The following SIRPA variants were observed in gnomAD, a reference collection of about 807,000 sequenced individuals.
SIRPA encodes the protein signal regulatory protein alpha, also known as tyrosine-protein phosphatase non-receptor type substrate 1.
In SIRPA, 9 loss-of-function variants were observed where a neutral mutation model predicts 50.3. The ratio of observed to expected loss-of-function variants is 0.18; its 90% CI spans 0.11 to 0.31. The LOEUF (loss-of-function observed/expected upper bound fraction) is 0.31, where lower values mean the gene tolerates loss of function less well. SIRPA is among the 10% of genes least tolerant of loss of function. The pLI, the probability that SIRPA is intolerant of heterozygous loss-of-function variation, is 1.00. For missense variants in SIRPA, 474 were observed against 661.6 expected, an observed-to-expected ratio of 0.72 and a Z score of 3.11; for synonymous variants, 265 against 284.1, an observed-to-expected ratio of 0.93 and a Z score of 0.68.
intron 5 of SIRPA, among the ~76,000 whole-genome samples, chr20:1,925,360 C>T (rs779507857): frequency 3.3e-5 from 5 of 152,202 alleles, no homozygotes; most frequent in Non-Finnish European, 2.9e-5. Flanking sequence ...AGGGAAGTAA[C>T]CTGGCACACA....
At chr20:1,900,103 CTT>C (rs11481009) in intron 1 of SIRPA, among the ~76,000 whole-genome samples, 5 of 127,170 alleles carry the variant, frequency 3.9e-5, no homozygotes, top group Non-Finnish European at 3.3e-5. Flanking sequence ...TTTTTTTTTT[CTT>C]TTTTTTTTTT....
At chr20:1,925,302 C>T (rs1046377950) in intron 5 of SIRPA, among the ~76,000 whole-genome samples, 1 of 152,186 alleles carries the variant, frequency 6.6e-6, no homozygotes, top group Non-Finnish European at 1.5e-5. Context: ...GATAATAGCG[C>T]CACCATTTGA....
At chr20:1,895,152 T>G (rs572922815), upstream of SIRPA, 276 of 278,464 alleles carry the variant, frequency 9.9e-4, no homozygotes, top group African/African-American at 5.8e-3. Flanking sequence ...CCTGGCTCCC[T>G]TGGGTCTGTT....
At position 1,937,183 on chromosome 20, in the gene SIRPA, G is replaced by A. The variant is rs1986625125; in HGVS notation, c.1267-137G>A. ...AAGTAACGTTGGCAAGAGATGAGGG[G>A]AACATGACTTATGGCTGAGCCAGTG... is the stretch of plus-strand genomic sequence containing the variant. On this transcript the variant is annotated intron_variant, in intron 7 of 7. Transcript: ENST00000358771. This position sits in a 1 kb window ranked among gnomAD's most constrained non-coding sequence, Gnocchi z 8.3. 1.9e-6 allele frequency: 2 copies of A among 1,040,674 alleles called. No individual in the cohort carries two copies. The highest frequency in any genetic ancestry group is 2.8e-6 in the Non-Finnish European group (2 of 715,912). 64.5% of individuals were successfully genotyped at this position (1,040,674 alleles called of 1,614,324 possible).
Position 1,930,184 on chromosome 20 carries a change from ACCT to A in SIRPA, c.1226+2289_1226+2291del, listed in dbSNP as rs879632426. Among the ~76,000 whole-genome samples the A allele has an allele frequency of 2.0e-3, 300 of 152,058 alleles. 2 individuals carry two copies. The highest frequency in any genetic ancestry group is 7.0e-3 in the African/African-American group (290 of 41,484). ...GTGGGACCCCTCCTGTCACCTGCTCACCTCCTGCTTCTCCTGAGATCAGCAAGG... is the reference window on the plus strand; with the variant it reads ...GTGGGACCCCTCCTGTCACCTGCTCACCTGCTTCTCCTGAGATCAGCAAGG... On this transcript the variant is annotated intron_variant, in intron 6 of 7. Coordinates refer to ENST00000358771, the MANE Select transcript of SIRPA (RefSeq NM_001040023.2).
Position 1,909,467 on chromosome 20 carries a change from A to AT in SIRPA, c.80-5623dup, listed in dbSNP as rs200830648. On this transcript the variant is annotated intron_variant, in intron 1 of 7. Coordinates refer to ENST00000358771, the MANE Select transcript of SIRPA (RefSeq NM_001040023.2). ...CGCCTCAAGCTTCAGTTCTAAGTTG[A>AT]TTTTTTTTTCTATTAGAAAAAACAT... 9.6e-3 allele frequency among the ~76,000 whole-genome samples: 1,462 copies of AT among 151,780 alleles called. 23 individuals are homozygous for AT. Among genetic ancestry groups the AT allele is most frequent in the African/African-American group, 0.033 (1,353 of 41,390 alleles).
chr20:1,902,951 G>T (rs1361460043), intron 1 of SIRPA, among the ~76,000 whole-genome samples: 2 of 147,690 alleles, frequency 1.4e-5, no homozygotes, highest in Non-Finnish European at 3.0e-5. Flanking sequence ...GGCAGAGGTT[G>T]CAGTGAGCCG....
chr20:1,928,137 G>A lies in SIRPA; in HGVS notation c.1226+238G>A, dbSNP rs143485326. 2.0e-3 allele frequency among the ~76,000 whole-genome samples: 303 copies of A among 152,256 alleles called. 3 individuals carry two copies. Among genetic ancestry groups the A allele is most frequent in the Admixed American group, 4.8e-3 (74 of 15,294 alleles). Reference sequence around the variant, plus strand: ...TTCTTGCCTGCTCTTCCCAGACAACGAGACCCTTGTCTAATCCCATGTGGA... The same window carrying A: ...TTCTTGCCTGCTCTTCCCAGACAACAAGACCCTTGTCTAATCCCATGTGGA... On this transcript the variant is annotated intron_variant, in intron 6 of 7. Transcript: ENST00000358771. This position sits in a 1 kb window ranked among gnomAD's most constrained non-coding sequence, Gnocchi z 4.9.
At chr20:1,923,489 G>C (rs969808357) in intron 4 of SIRPA, among the ~76,000 whole-genome samples, 6 of 152,386 alleles carry the variant, frequency 3.9e-5, no homozygotes, top group Admixed American at 3.9e-4. Context: ...GTGGCCCTTT[G>C]GTTTCACCAA....
rs768679190 is a variant in SIRPA, at chr20:1,898,980, G to A, written c.79+3454G>A. ...TGCGACAGATGGAGAGGGGGTGTGC[G>A]AGAGGAAGGGAGTCTAAAAGTGTTG... is the stretch of plus-strand genomic sequence containing the variant. On this transcript the variant is annotated intron_variant, in intron 1 of 7. Coordinates refer to ENST00000358771, the MANE Select transcript of SIRPA (RefSeq NM_001040023.2). The surrounding 1 kb of genome is among the most constrained non-coding windows in gnomAD (Gnocchi z 4.3). Among the ~76,000 whole-genome samples the A allele has an allele frequency of 6.6e-6, 1 of 151,982 alleles. No homozygotes were observed. Among genetic ancestry groups the A allele is most frequent in the Admixed American group, 6.6e-5 (1 of 15,266 alleles).
rs925387711 is a variant in SIRPA, at chr20:1,924,912, G to T, written c.1201+35G>T. 6.5e-7 allele frequency: 1 copy of T among 1,549,422 alleles called. No individual in the cohort carries two copies. The highest frequency in any genetic ancestry group is 8.9e-7 in the Non-Finnish European group (1 of 1,121,426). ...TTCCCCTCTTCCTCCCTAAGGGTTT[G>T]TCCCTGGACTGTCCTCGGAGGGAGA... On this transcript the variant is annotated intron_variant, in intron 5 of 7. Transcript: ENST00000358771. The surrounding 1 kb of genome is among the most constrained non-coding windows in gnomAD (Gnocchi z 4.5).
At position 1,922,425 on chromosome 20, in the gene SIRPA, G is replaced by T; in HGVS notation, c.867G>T (p.Glu289Asp). 6.2e-7 allele frequency: 1 copy of T among 1,614,268 alleles called. No individual in the cohort carries two copies. Residue 289 changes from glutamate to aspartate, a missense_variant, in exon 4 of 8, where the codon GAG becomes GAT. Coordinates refer to ENST00000358771, the MANE Select transcript of SIRPA (RefSeq NM_001040023.2). ...YPQRLQLTWL[E>D]NGNVSRTETA... ...AGAGACTACAGCTGACCTGGTTGGA[G>T]AATGGAAACGTGTCCCGGACAGAAA...
At chr20:1,917,376 G>C (rs1985367083) in intron 2 of SIRPA, among the ~76,000 whole-genome samples, 1 of 152,148 alleles carries the variant, frequency 6.6e-6, no homozygotes. Flanking sequence ...GCTTGTCAAA[G>C]TGTGGAGAAA....
intron 1 of SIRPA, among the ~76,000 whole-genome samples, chr20:1,909,507 C>T (rs1008330269): frequency 3.3e-5 from 5 of 152,312 alleles, no homozygotes; most frequent in Middle Eastern, 6.8e-3. Context: ...GTGGGCAGGG[C>T]GCAGTGGCTC....
At chr20:1,935,016 G>A (rs536605134) in intron 7 of SIRPA, among the ~76,000 whole-genome samples, 1 of 152,264 alleles carries the variant, frequency 6.6e-6, no homozygotes, top group East Asian at 1.9e-4. Context: ...CTATGAAAAT[G>A]GTGCCCTGGA....
rs111544259 is a variant in SIRPA, at chr20:1,933,508, G to A, written c.1227-1207G>A. ...GACCACGTGGGACTCTGAGCAGGGC[G>A]ATGAGTTGGACTTGAACCAGCCAGC... is the stretch of plus-strand genomic sequence containing the variant. On this transcript the variant is annotated intron_variant, in intron 6 of 7. Transcript: ENST00000358771. The surrounding 1 kb of genome is among the most constrained non-coding windows in gnomAD (Gnocchi z 4.4). Among the ~76,000 whole-genome samples, 6,458 of 152,204 alleles carry A rather than the reference G, an allele frequency of 0.042. 181 individuals carry two copies. Among genetic ancestry groups the A allele is most frequent in the South Asian group, 0.088 (425 of 4,810 alleles).
rs1339312878 is a variant in SIRPA, at chr20:1,915,205, T to C, written c.186T>C (p.Pro62=). ...GCTGCACTGCGACCTCTCTGATCCC[T>C]GTGGGGCCCATCCAGTGGTTCAGAG... ...TLRCTATSLI[P]VGPIQWFRGA... Residue 62 remains proline (P), a synonymous_variant, in exon 2 of 8, where the codon CCT becomes CCC. Transcript: ENST00000358771. The C allele has an allele frequency of 1.3e-6, 2 of 1,581,288 alleles. No homozygotes were observed. The highest frequency in any genetic ancestry group is 1.4e-5 in the African/African-American group (1 of 73,866).
chr20:1,901,134 GTT>G (rs1160767437), intron 1 of SIRPA, among the ~76,000 whole-genome samples: 3 of 81,180 alleles, frequency 3.7e-5, no homozygotes, highest in Non-Finnish European at 9.8e-5. Context: ...TCTCATTTTT[GTT>G]TTTGTTTTTT....
Position 1,934,861 on chromosome 20 carries a change from G to A in SIRPA, c.1266+107G>A, listed in dbSNP as rs2122194789. 2 of 1,214,142 alleles carry A rather than the reference G, an allele frequency of 1.6e-6. No homozygotes were observed. Among genetic ancestry groups the A allele is most frequent in the South Asian group, 2.4e-5 (2 of 81,754 alleles). 75.2% of individuals were successfully genotyped at this position (1,214,142 alleles called of 1,614,324 possible). ...CTAAATTAAGACTCCTTGTGGGGTG[G>A]AGGGTGGAGGATCTTACACTCCTAG... On this transcript the variant is annotated intron_variant, in intron 7 of 7. Transcript: ENST00000358771. This position sits in a 1 kb window ranked among gnomAD's most constrained non-coding sequence, Gnocchi z 4.6.
Sources: allele counts gnomAD v4.1 joint callset (sites outside exome capture counted in the v4.1 genomes callset), GRCh38; gene constraint gnomAD v4.1.1; non-coding constraint Gnocchi (gnomAD v3.1); transcripts MANE v1.5; gene names NCBI Gene and HGNC (gene_info 2026-07-23, HGNC 2026-07-21).